NRXN2: variants seen among roughly 807,000 people sequenced by gnomAD.
The protein encoded by NRXN2 is neurexin 2, also known as neurexin-2-beta.
NRXN2 carries 29 observed loss-of-function variants against 128.8 expected under a neutral mutation model. The ratio of observed to expected loss-of-function variants is 0.23; its 90% CI spans 0.17 to 0.31. NRXN2 has a LOEUF of 0.31. Ranked by LOEUF, NRXN2 falls within the 10% of genes least tolerant of loss-of-function variation. The pLI, the probability that NRXN2 is intolerant of heterozygous loss-of-function variation, is 1.00. For missense variants in NRXN2, 1,881 were observed against 2,452.6 expected (o/e 0.77, Z 4.92); for synonymous variants, 1,098 against 1,075.2 (o/e 1.02, Z -0.41).
At chr11:64,700,945 T>C (rs1027366717) in intron 2 of NRXN2, among the ~76,000 whole-genome samples, 1 of 152,166 alleles carries the variant, frequency 6.6e-6, no homozygotes, top group African/African-American at 2.4e-5. Flanking sequence ...CCTGCTCCTT[T>C]TGTCAGGCCA....
chr11:64,657,219 C>A (rs475642), intron 11 of NRXN2, among the ~76,000 whole-genome samples: 77,230 of 152,174 alleles, frequency 0.51, 23,444 homozygotes, highest in Non-Finnish European at 0.7. Flanking sequence ...GGGGAGCAAG[C>A]AATGGGGGAC....
intron 7 of NRXN2, among the ~76,000 whole-genome samples, chr11:64,671,816 G>A (rs1477678534): frequency 6.6e-6 from 1 of 151,890 alleles, no homozygotes; most frequent in African/African-American, 2.4e-5. Flanking sequence ...AAAGAGAAAA[G>A]ACATTTGACT....
At chr11:64,702,274 C>T (rs2055574938) in intron 2 of NRXN2, among the ~76,000 whole-genome samples, 1 of 152,200 alleles carries the variant, frequency 6.6e-6, no homozygotes, top group African/African-American at 2.4e-5. Flanking sequence ...AGCCCCTCTG[C>T]CCGGCCACCA....
At chr11:64,617,627 G>C (rs897109183) in intron 22 of NRXN2, among the ~76,000 whole-genome samples, 1 of 152,192 alleles carries the variant, frequency 6.6e-6, no homozygotes, top group Non-Finnish European at 1.5e-5. Flanking sequence ...AGGTGGGAGA[G>C]GTAAAACCCC....
intron 7 of NRXN2, among the ~76,000 whole-genome samples, chr11:64,674,038 C>CAA (rs34895531): frequency 4.2e-4 from 31 of 73,196 alleles, no homozygotes; most frequent in African/African-American, 1.2e-3. Flanking sequence ...ACTCTGTCTC[C>CAA]AAAAAAAAAA....
chr11:64,628,774 T>C (rs2135360849), intron 19 of NRXN2, among the ~76,000 whole-genome samples: 1 of 152,290 alleles, frequency 6.6e-6, no homozygotes. Flanking sequence ...GCCAGAGCTG[T>C]CAGTGTTGGC....
Position 64,608,005 on chromosome 11 carries a change from G to T in NRXN2, c.4330C>A (p.Pro1444Thr). Residue 1444 changes from proline to threonine, a missense_variant, in exon 23 of 23, where the codon CCC becomes ACC. Transcript: ENST00000265459. Reference sequence around the variant, plus strand: ...AAGGGGTAGAAGGTAGGGGGCGGGGGCACGAAGGGGGATCGGGTGGCCACG... The same window carrying T: ...AAGGGGTAGAAGGTAGGGGGCGGGGTCACGAAGGGGGATCGGGTGGCCACG... ...PPVATRSPFV[P>T]PPPTFYPFLT... is the part of the protein sequence containing the mutation. 8.3e-7 allele frequency: 1 copy of T among 1,208,248 alleles called. No homozygotes were observed. The highest frequency in any genetic ancestry group is 1.1e-6 in the Non-Finnish European group (1 of 871,422). 74.8% of individuals were successfully genotyped at this position (1,208,248 alleles called of 1,614,324 possible). A position where few individuals can be genotyped will look rare whatever the true frequency, so the allele number is the denominator to read the frequency against.
chr11:64,654,258 T>G (rs1332441664), intron 11 of NRXN2, among the ~76,000 whole-genome samples: 1 of 151,976 alleles, frequency 6.6e-6, no homozygotes, highest in Non-Finnish European at 1.5e-5. Flanking sequence ...CCCGAGGCCA[T>G]ACACCTCCCA....
rs1159226248 is a variant in NRXN2, at chr11:64,713,138, G to A, written c.562C>T (p.Pro188Ser). 6 of 1,436,204 alleles carry A rather than the reference G, an allele frequency of 4.2e-6. No individual in the cohort carries two copies. The highest frequency in any genetic ancestry group is 3.0e-5 in the African/African-American group (2 of 67,614). The allele number at this position is 1,436,204 out of a possible 1,614,324, so 89.0% of individuals were successfully genotyped here. A position where few individuals can be genotyped will look rare whatever the true frequency, so the allele number is the denominator to read the frequency against. ...LLANLKLGERPPALLGSQGLR... is the reference protein window; with the variant it reads ...LLANLKLGERSPALLGSQGLR... ...CCCTGGCTGCCCAGCAGCGCGGGGGGCCGCTCGCCCAGCTTCAGGTTGGCC... is the reference window on the plus strand; with the variant it reads ...CCCTGGCTGCCCAGCAGCGCGGGGGACCGCTCGCCCAGCTTCAGGTTGGCC... The change falls in exon 2 of 23, where the codon CCC (proline) becomes TCC (serine). Residue 188 changes from proline (P) to serine (S), a missense_variant. This residue lies in a region of NRXN2 where 997 missense variants were observed against 1,240.8 expected (regional missense o/e 0.80). Coordinates refer to ENST00000265459, the MANE Select transcript of NRXN2 (RefSeq NM_015080.4).
At chr11:64,696,066 C>A (rs1195055213) in intron 3 of NRXN2, among the ~76,000 whole-genome samples, 4 of 151,830 alleles carry the variant, frequency 2.6e-5, no homozygotes, top group Non-Finnish European at 5.9e-5. Context: ...TACCCCCTCT[C>A]CTTCCTCCAT....
rs563286885 is a variant in NRXN2 at position 64,658,755 on chromosome 11, A to C, written c.2389+1577T>G. Among the ~76,000 whole-genome samples, 3 of 152,374 alleles carry C rather than the reference A, an allele frequency of 2.0e-5. No homozygotes were observed. In the South Asian group the frequency reaches 6.2e-4, roughly 32 times the overall value. ...AAAAGTTCAAAGTTCAGCCAGGCACAGTGGCTCATGCCTGTAATCCCAGCA... is the reference window on the plus strand; with the variant it reads ...AAAAGTTCAAAGTTCAGCCAGGCACCGTGGCTCATGCCTGTAATCCCAGCA... On this transcript the variant is annotated intron_variant, in intron 11 of 22. Transcript: ENST00000265459.
At chr11:64,674,979 T>A (rs766398008) in intron 7 of NRXN2, among the ~76,000 whole-genome samples, 2 of 152,232 alleles carry the variant, frequency 1.3e-5, no homozygotes, top group Non-Finnish European at 2.9e-5. Flanking sequence ...TTTAACCAAA[T>A]TGAGGCTAGA....
At chr11:64,659,261 C>G (rs2048694161) in intron 11 of NRXN2, 1 of 152,320 alleles carries the variant, frequency 6.6e-6, no homozygotes, top group Non-Finnish European at 1.5e-5. Flanking sequence ...TTCCCCTGCT[C>G]TGAAAGCTCC....
At chr11:64,692,918 A>G in intron 3 of NRXN2, 42 bp from the exon 4 acceptor site, 1 of 1,512,060 alleles carries the variant, frequency 6.6e-7, no homozygotes. Context: ...GAAAAAAAGA[A>G]GAAGAAAAAA....
intron 1 of NRXN2, among the ~76,000 whole-genome samples, chr11:64,715,603 C>T (rs763898031): frequency 2.6e-5 from 4 of 152,060 alleles, no homozygotes; most frequent in Non-Finnish European, 5.9e-5. Flanking sequence ...TAGTCGGGAG[C>T]GTTGGGGGAG....
At chr11:64,625,690 C>T (rs1565213942) in intron 20 of NRXN2, among the ~76,000 whole-genome samples, 1 of 152,152 alleles carries the variant, frequency 6.6e-6, no homozygotes, top group Non-Finnish European at 1.5e-5. Flanking sequence ...TGTCCTTAGT[C>T]CCCAGCTTCC....
At chr11:64,702,009 G>A (rs1426110915) in intron 2 of NRXN2, among the ~76,000 whole-genome samples, 5 of 138,404 alleles carry the variant, frequency 3.6e-5, no homozygotes, top group Non-Finnish European at 7.8e-5. Context: ...GGTGGGGGGG[G>A]TCAGCCCCCC....
At chr11:64,709,399 G>A (rs531348330) in intron 2 of NRXN2, among the ~76,000 whole-genome samples, 31 of 152,004 alleles carry the variant, frequency 2.0e-4, no homozygotes, top group African/African-American at 6.5e-4. Context: ...TTTCCTCCTT[G>A]ACTGGATGAG....
At chr11:64,652,300 C>CGCAACACACCCATGAATACAAGT in intron 12 of NRXN2, 146 bp from the exon 13 acceptor site, 1 of 979,194 alleles carries the variant, frequency 1.0e-6, no homozygotes, top group Non-Finnish European at 1.5e-6. Context: ...TATTTGGCCA[C>CGCAACACACCCATGAATACAAGT]GCAACACACC....
Sources: gnomAD v4.1 joint callset for allele counts (sites outside exome capture counted in the v4.1 genomes callset) on GRCh38, gnomAD v4.1.1 for gene constraint, gnomAD v4.1.1 regional missense constraint, MANE v1.5 for transcripts, NCBI Gene and HGNC (gene_info 2026-07-23, HGNC 2026-07-21) for gene names.